PLEKHA8: variants seen among roughly 807,000 people sequenced by gnomAD.
PLEKHA8 encodes pleckstrin homology domain-containing family A member 8.
PLEKHA8 carries 36 observed loss-of-function variants against 68.2 expected under a neutral mutation model. The ratio of observed to expected loss-of-function variants is 0.53; its 90% CI spans 0.40 to 0.70. The LOEUF (loss-of-function observed/expected upper bound fraction) is 0.70, where lower values mean the gene tolerates loss of function less well. PLEKHA8 is among the 30% of genes least tolerant of loss of function. PLEKHA8 has a pLI of 0.00. For missense variants in PLEKHA8, 505 were observed against 615.4 expected (o/e 0.82, Z 1.90); for synonymous variants, 211 against 216.1 (o/e 0.98, Z 0.20).
chr7:30,047,826 A>G lies in PLEKHA8; in HGVS notation c.314-6A>G, dbSNP rs767411374. 1.4e-5 allele frequency: 22 copies of G among 1,608,682 alleles called. No individual in the cohort carries two copies. The highest frequency in any genetic ancestry group is 1.9e-5 in the Non-Finnish European group (22 of 1,177,144). ...GTTACTGCATTATCATCATTTTGTC[A>G]TTTAGAGTTTGCTGAAAACACTGAA... On this transcript the variant is annotated splice_polypyrimidine_tract_variant and splice_region_variant and intron_variant, in intron 3 of 13. Coordinates refer to ENST00000449726, the MANE Select transcript of PLEKHA8 (RefSeq NM_001197026.2).
rs114644766 is a variant in PLEKHA8 at position 30,114,353 on chromosome 7, T to C, written c.1363-14913T>C. Reference sequence around the variant, plus strand: ...TATACCTACTTTACAGATGAGGGACTTGAGGCACAGAAATATTAAGTGACA... The same window carrying C: ...TATACCTACTTTACAGATGAGGGACCTGAGGCACAGAAATATTAAGTGACA... On this transcript the variant is annotated intron_variant, in intron 13 of 13. Transcript: ENST00000396257. Among the ~76,000 whole-genome samples, 1,294 of 152,366 alleles carry C rather than the reference T, an allele frequency of 8.5e-3. 22 individuals carry two copies. The highest frequency in any genetic ancestry group is 0.03 in the African/African-American group (1,247 of 41,598).
chr7:30,077,495 A>G (rs1794679750), intron 13 of PLEKHA8, among the ~76,000 whole-genome samples: 1 of 152,208 alleles, frequency 6.6e-6, no homozygotes, highest in South Asian at 2.1e-4. Flanking sequence ...TACAGATCCC[A>G]TTAATGCTTA....
chr7:30,116,253 C>T (rs549597136), intron 13 of PLEKHA8, among the ~76,000 whole-genome samples: 11 of 141,476 alleles, frequency 7.8e-5, no homozygotes, highest in African/African-American at 2.4e-4. Context: ...TACATGTACA[C>T]GTATACATGC....
intron 1 of PLEKHA8, among the ~76,000 whole-genome samples, chr7:30,044,553 A>G (rs1791798620): frequency 1.3e-5 from 2 of 152,206 alleles, no homozygotes; most frequent in African/African-American, 4.8e-5. Context: ...ACCTTTTCCT[A>G]AGGGTCATAG....
At chr7:30,077,683 A>G (rs1333533576) in intron 13 of PLEKHA8, among the ~76,000 whole-genome samples, 4 of 152,160 alleles carry the variant, frequency 2.6e-5, no homozygotes, top group Non-Finnish European at 5.9e-5. Flanking sequence ...TCACTCTCTT[A>G]CTGCAAAAAT....
At chr7:30,075,592 T>G (rs1204670663) in intron 13 of PLEKHA8, among the ~76,000 whole-genome samples, 1 of 152,120 alleles carries the variant, frequency 6.6e-6, no homozygotes, top group Non-Finnish European at 1.5e-5. Flanking sequence ...GAAGACACAA[T>G]CACTGAGAGG....
At position 30,081,738 on chromosome 7, in the gene PLEKHA8, A is replaced by G. The variant is rs777178514; in HGVS notation, c.*2951A>G. The G allele has an allele frequency of 9.4e-5, 93 of 985,284 alleles. No individual in the cohort carries two copies. Among genetic ancestry groups the G allele is most frequent in the Non-Finnish European group, 2.7e-5 (22 of 829,914 alleles). 61.0% of individuals were successfully genotyped at this position (985,284 alleles called of 1,614,324 possible). A position where few individuals can be genotyped will look rare whatever the true frequency, so the allele number is the denominator to read the frequency against. ...ACTGGAAGAAAAAGGAAATTGGTCT[A>G]CTAGGTATTGTAGACACAAATAAGT... On this transcript the variant is annotated 3_prime_UTR_variant, in exon 14 of 14. Coordinates refer to ENST00000449726, the MANE Select transcript of PLEKHA8 (RefSeq NM_001197026.2).
In PLEKHA8 at chr7:30,028,841, G is replaced by A. The variant is rs547832703; in HGVS notation, c.40+39G>A. On this transcript the variant is annotated intron_variant, in intron 1 of 13. Coordinates refer to ENST00000449726, the MANE Select transcript of PLEKHA8 (RefSeq NM_001197026.2). The stretch of plus-strand genomic sequence containing the variant: ...CCGGGCCGGGGGCGCGCCGGGGGCC[G>A]GTCCTTTGTCTGCGCGGCTGGAGGG... The A allele has an allele frequency of 1.3e-5, 16 of 1,251,176 alleles. No individual in the cohort carries two copies. In the African/African-American group the frequency reaches 2.3e-4, roughly 18 times the overall value. The allele number at this position is 1,251,176 out of a possible 1,614,324, so 77.5% of individuals were successfully genotyped here.
intron 12 of PLEKHA8, among the ~76,000 whole-genome samples, chr7:30,070,582 C>T (rs1339586994): frequency 6.9e-6 from 1 of 145,438 alleles, no homozygotes; most frequent in African/African-American, 2.6e-5. Context: ...GTTTCTATGT[C>T]GCCCTGGCTG....
chr7:30,079,202 C>T lies in PLEKHA8; in HGVS notation c.*415C>T, dbSNP rs1324200566. On this transcript the variant is annotated 3_prime_UTR_variant, in exon 14 of 14. Coordinates refer to ENST00000449726, the MANE Select transcript of PLEKHA8 (RefSeq NM_001197026.2). Reference sequence around the variant, plus strand: ...AGTGTTTCAGCCAACTTAGACTAGACATTTGGAGGTAGTATAAGCTGCTTT... The same window carrying T: ...AGTGTTTCAGCCAACTTAGACTAGATATTTGGAGGTAGTATAAGCTGCTTT... 1 of 1,005,526 alleles carries T rather than the reference C, an allele frequency of 9.9e-7. No homozygotes were observed. Among genetic ancestry groups the T allele is most frequent in the African/African-American group, 1.7e-5 (1 of 57,426 alleles). The allele number at this position is 1,005,526 out of a possible 1,614,324, so 62.3% of individuals were successfully genotyped here.
At chr7:30,118,113 G>A (rs576604554) in intron 13 of PLEKHA8, 1 of 1,218,570 alleles carries the variant, frequency 8.2e-7, no homozygotes, top group Non-Finnish European at 1.1e-6. Context: ...GATCAGCCTG[G>A]ACTAAATGCC....
chr7:30,080,201 C>T lies in PLEKHA8; in HGVS notation c.*1414C>T, dbSNP rs1374063273. 2.0e-6 allele frequency: 2 copies of T among 985,114 alleles called. No homozygotes were observed. The highest frequency in any genetic ancestry group is 3.5e-5 in the African/African-American group (2 of 57,194). The allele number at this position is 985,114 out of a possible 1,614,324, so 61.0% of individuals were successfully genotyped here. ...AAACAGTTTCTTAAACTTCTTAAAA[C>T]TTAAGAAACATTGTTTCATAAAACA... On this transcript the variant is annotated 3_prime_UTR_variant, in exon 14 of 14. Transcript: ENST00000449726.
intron 13 of PLEKHA8, among the ~76,000 whole-genome samples, chr7:30,128,091 AT>A (rs35173428): frequency 0.49 from 59,639 of 122,656 alleles, 12,169 homozygotes; most frequent in East Asian, 0.73. Context: ...GTTTTACTGT[AT>A]TTTTTTTTTT....
chr7:30,058,618 C>T (rs547350690), intron 9 of PLEKHA8, among the ~76,000 whole-genome samples: 43 of 152,082 alleles, frequency 2.8e-4, no homozygotes, highest in African/African-American at 9.6e-4. Context: ...TCTGGACTCT[C>T]TTTTCTGTTC....
At chr7:30,115,714 G>GTGCACATACATGCATACA (rs1562557643) in intron 13 of PLEKHA8, 115 of 106,508 alleles carry the variant, frequency 1.1e-3, no homozygotes, top group African/African-American at 1.8e-3. Flanking sequence ...GTATACATAC[G>GTGCACATACATGCATACA]CGCATGCATG....
rs1272576626 is a variant in PLEKHA8, at chr7:30,078,782, G to T, written c.1555G>T (p.Val519Leu). The change falls in exon 14 of 14, where the codon GTA (valine) becomes TTA (leucine). Residue 519 changes from valine to leucine, a missense_variant. Val to Leu is a conservative substitution (Grantham distance 32). Transcript: ENST00000449726. Reference protein sequence around the residue: ...EVHGLESDEVV With the variant: ...EVHGLESDEVL ...CCACGGGCTGGAATCTGATGAGGTG[G>T]TATGATGGCTGCTGGGCAGCACCTC... 1 of 1,613,096 alleles carries T rather than the reference G, an allele frequency of 6.2e-7. No individual in the cohort carries two copies. Among genetic ancestry groups the T allele is most frequent in the Non-Finnish European group, 8.5e-7 (1 of 1,179,490 alleles).
intron 2 of PLEKHA8, among the ~76,000 whole-genome samples, 192 bp downstream of exon 2, chr7:30,045,393 T>TAAGAGGTGGTCA (rs1305328522): frequency 6.6e-6 from 1 of 152,194 alleles, no homozygotes; most frequent in Non-Finnish European, 1.5e-5. Flanking sequence ...GGAGATTGGC[T>TAAGAGGTGGTCA]AAGAGGTGGT....
intron 1 of PLEKHA8, among the ~76,000 whole-genome samples, chr7:30,042,992 A>G (rs1187170417): frequency 7.4e-6 from 1 of 134,852 alleles, no homozygotes; most frequent in Non-Finnish European, 1.7e-5. Context: ...GCCAAGGTCT[A>G]GAAGCATCAC....
At chr7:30,065,535 G>T (rs1263271899) in intron 12 of PLEKHA8, among the ~76,000 whole-genome samples, 1 of 152,076 alleles carries the variant, frequency 6.6e-6, no homozygotes, top group African/African-American at 2.4e-5. Flanking sequence ...TTTCTTCTGG[G>T]ATAATGGTTC....
Sources: gnomAD v4.1 joint callset for allele counts (sites outside exome capture counted in the v4.1 genomes callset) on GRCh38, gnomAD v4.1.1 for gene constraint, MANE v1.5 for transcripts, NCBI Gene and HGNC (gene_info 2026-07-23, HGNC 2026-07-21) for gene names.